SNX29: variants seen among roughly 807,000 people sequenced by gnomAD.
SNX29 encodes the protein sorting nexin-29.
SNX29 carries 78 observed loss-of-function variants against 102.1 expected under a neutral mutation model. The ratio of observed to expected loss-of-function variants is 0.76; its 90% CI spans 0.64 to 0.92. The LOEUF (loss-of-function observed/expected upper bound fraction) is 0.92. Ranked by LOEUF, SNX29 falls within the 40% of genes least tolerant of loss-of-function variation. The pLI is 0.00. For synonymous variants in SNX29, 580 were observed against 414.5 expected, an observed-to-expected ratio of 1.40 and a Z score of -4.85; for missense variants, 1,280 against 1,061.7, an observed-to-expected ratio of 1.21 and a Z score of -2.86.
At chr16:12,005,129 C>G (rs2056411914) in intron 3 of SNX29, among the ~76,000 whole-genome samples, 1 of 152,172 alleles carries the variant, frequency 6.6e-6, no homozygotes, top group Non-Finnish European at 1.5e-5. Context: ...AATTTTACTT[C>G]TCAGTGTTGT....
intron 1 of SNX29, among the ~76,000 whole-genome samples, chr16:11,996,511 T>G (rs1463804987): frequency 6.6e-6 from 1 of 152,236 alleles, no homozygotes; most frequent in African/African-American, 2.4e-5. Flanking sequence ...TTATTTTCTT[T>G]GTACATTTTT....
chr16:12,477,573 C>A, intron 18 of SNX29, 146 bp from the exon 19 acceptor site: 1 of 901,618 alleles, frequency 1.1e-6, no homozygotes, highest in South Asian at 1.7e-5. Context: ...TAAATCCCTG[C>A]TCTATGCCAG....
At chr16:12,065,728 T>C (rs2051003338) in intron 9 of SNX29, among the ~76,000 whole-genome samples, 1 of 152,164 alleles carries the variant, frequency 6.6e-6, no homozygotes, top group Non-Finnish European at 1.5e-5. Context: ...CCCAGTCAGC[T>C]TATACGGGTT....
chr16:12,515,471 T>C, intron 19 of SNX29: 1 of 483,308 alleles, frequency 2.1e-6, no homozygotes, highest in Non-Finnish European at 4.1e-6. Flanking sequence ...AGCTCTGAAA[T>C]AGAACTGAAA....
At chr16:12,565,430 G>T (rs9921087) in intron 20 of SNX29, among the ~76,000 whole-genome samples, 2 of 139,494 alleles carry the variant, frequency 1.4e-5, no homozygotes, top group Admixed American at 6.9e-5. Context: ...CCATCCTCCC[G>T]TGGCCTCACC....
intron 20 of SNX29, among the ~76,000 whole-genome samples, chr16:12,533,937 G>T (rs772768226): frequency 2.6e-5 from 4 of 152,198 alleles, no homozygotes; most frequent in Non-Finnish European, 4.4e-5. Flanking sequence ...TGTTTAAGTT[G>T]GTTGGAAACT....
At chr16:12,480,690 C>G (rs1431933914) in intron 19 of SNX29, among the ~76,000 whole-genome samples, 2 of 152,168 alleles carry the variant, frequency 1.3e-5, no homozygotes, top group Non-Finnish European at 2.9e-5. Flanking sequence ...CTCAAGCCCC[C>G]CAGTTACACA....
Position 12,380,669 on chromosome 16 carries a change from C to G in SNX29, c.1900-17777C>G, listed in dbSNP as rs2083064449. ...CACCCACCATCCATCCACCCACCCA[C>G]CATCCATCCATCCACCATCCACCCA... On this transcript the variant is annotated intron_variant, in intron 16 of 20. Transcript: ENST00000566228. Among the ~76,000 whole-genome samples the G allele has an allele frequency of 2.5e-5, 3 of 120,442 alleles. No homozygotes were observed. In the South Asian group the frequency reaches 9.4e-4, roughly 38 times the overall value. The allele number at this position is 120,442 out of a possible 152,430, so 79.0% of individuals were successfully genotyped here. A position where few individuals can be genotyped will look rare whatever the true frequency, so the allele number is the denominator to read the frequency against.
intron 8 of SNX29, among the ~76,000 whole-genome samples, chr16:12,055,358 C>G (rs557591922): frequency 1.3e-5 from 2 of 151,640 alleles, no homozygotes; most frequent in Non-Finnish European, 2.9e-5. Context: ...CTCAGCCTCT[C>G]GAGTAGCTGG....
At chr16:12,335,043 G>C (rs978434560) in intron 15 of SNX29, among the ~76,000 whole-genome samples, 1 of 151,914 alleles carries the variant, frequency 6.6e-6, no homozygotes, top group African/African-American at 2.4e-5. Flanking sequence ...TGTGAGGGGA[G>C]GTTGACTGTC....
intron 14 of SNX29, among the ~76,000 whole-genome samples, chr16:12,234,992 C>T (rs1297287112): frequency 6.6e-6 from 1 of 152,070 alleles, no homozygotes; most frequent in Non-Finnish European, 1.5e-5. Flanking sequence ...GTACTTTTCT[C>T]CCTCATTCCT....
intron 14 of SNX29, among the ~76,000 whole-genome samples, chr16:12,207,591 G>C (rs1030639668): frequency 1.3e-5 from 2 of 152,044 alleles, no homozygotes; most frequent in Non-Finnish European, 2.9e-5. Flanking sequence ...TGTTACGTTT[G>C]TCTCATGTGC....
At chr16:12,538,676 C>T (rs989059891) in intron 20 of SNX29, among the ~76,000 whole-genome samples, 3 of 152,114 alleles carry the variant, frequency 2.0e-5, no homozygotes, top group African/African-American at 7.2e-5. Flanking sequence ...GATCTTTCAT[C>T]CTCCTCCCAG....
At chr16:12,271,700 G>C (rs2079096622) in intron 14 of SNX29, among the ~76,000 whole-genome samples, 1 of 151,480 alleles carries the variant, frequency 6.6e-6, no homozygotes, top group Admixed American at 6.6e-5. Flanking sequence ...TCAGCTCACT[G>C]CAACCTCCGC....
At chr16:12,410,908 T>A (rs2084371728) in intron 18 of SNX29, among the ~76,000 whole-genome samples, 1 of 152,242 alleles carries the variant, frequency 6.6e-6, no homozygotes, top group African/African-American at 2.4e-5. Context: ...TTCTCAGCTC[T>A]TCCTTTTCAT....
chr16:12,025,582 A>G (rs1282615133), intron 3 of SNX29, among the ~76,000 whole-genome samples: 2 of 152,144 alleles, frequency 1.3e-5, no homozygotes, highest in Non-Finnish European at 2.9e-5. Context: ...GAAGTATTAG[A>G]TTTGTGATGC....
At position 12,571,534 on chromosome 16, in the gene SNX29, C is replaced by A; in HGVS notation, c.*2905C>A. The stretch of plus-strand genomic sequence containing the variant: ...AGGGCCTTGGATTCCTGGGACCACC[C>A]TTTGCTGGGAGGAAGAATCCACACC... On this transcript the variant is annotated 3_prime_UTR_variant, in exon 21 of 21. Transcript: ENST00000566228. The A allele has an allele frequency of 2.3e-6, 2 of 888,422 alleles. No homozygotes were observed. The highest frequency in any genetic ancestry group is 2.8e-6 in the Non-Finnish European group (2 of 718,372). The allele number at this position is 888,422 out of a possible 1,614,324, so 55.0% of individuals were successfully genotyped here.
intron 13 of SNX29, among the ~76,000 whole-genome samples, chr16:12,139,061 G>C (rs891130937): frequency 6.6e-5 from 10 of 151,978 alleles, no homozygotes; most frequent in Middle Eastern, 3.2e-3. Flanking sequence ...AATTAGCTGG[G>C]TGTTGTGGTG....
intron 3 of SNX29, among the ~76,000 whole-genome samples, chr16:12,003,249 C>G (rs927171712): frequency 6.6e-6 from 1 of 152,186 alleles, no homozygotes; most frequent in African/African-American, 2.4e-5. Flanking sequence ...CTCCAACACT[C>G]CACATTTTCC....
Sources: allele counts gnomAD v4.1 joint callset (sites outside exome capture counted in the v4.1 genomes callset), GRCh38; gene constraint gnomAD v4.1.1; transcripts MANE v1.5; gene names NCBI Gene and HGNC (gene_info 2026-07-23, HGNC 2026-07-21).